The following NMT2 variants were observed in gnomAD, a reference collection of about 807,000 sequenced individuals.
NMT2 encodes the protein glycylpeptide N-tetradecanoyltransferase 2.
NMT2 carries 35 observed loss-of-function variants against 65.4 expected under a neutral mutation model. The ratio of observed to expected loss-of-function variants is 0.54; its 90% CI spans 0.41 to 0.71. The LOEUF is 0.71. Among genes scored for constraint, NMT2 ranks in the 30% least tolerant of loss-of-function variants. The probability of loss-of-function intolerance (pLI) is 0.00; values close to 1 mark genes in which losing one functional copy is unlikely to be tolerated. For synonymous variants in NMT2, 226 were observed against 231.8 expected (o/e 0.98, Z 0.23); for missense variants, 489 against 611.3 (o/e 0.80, Z 2.11).
intron 1 of NMT2, among the ~76,000 whole-genome samples, chr10:15,153,388 G>T (rs1013180864): frequency 1.3e-5 from 2 of 152,234 alleles, no homozygotes; most frequent in African/African-American, 4.8e-5. Context: ...GCCTGCAGAG[G>T]CACACATGTG....
At chr10:15,149,669 C>T (rs1199761519) in intron 1 of NMT2, among the ~76,000 whole-genome samples, 1 of 151,846 alleles carries the variant, frequency 6.6e-6, no homozygotes, top group Non-Finnish European at 1.5e-5. Flanking sequence ...CTGTACCAAG[C>T]ACCCTACAGA....
At chr10:15,132,175 G>C (rs1196327766) in intron 6 of NMT2, among the ~76,000 whole-genome samples, 1 of 152,000 alleles carries the variant, frequency 6.6e-6, no homozygotes, top group African/African-American at 2.4e-5. Context: ...CCAAGGCTTC[G>C]TTTTTTCTGA....
In NMT2 at chr10:15,108,285, C is replaced by G; in HGVS notation, c.*910G>C. On this transcript the variant is annotated 3_prime_UTR_variant, in exon 12 of 12. Coordinates refer to ENST00000378165, the MANE Select transcript of NMT2 (RefSeq NM_004808.3). Reference sequence around the variant, plus strand: ...TCACTGCAACCTCACCTCTCAGGTTCAAGCGATTCTCCTGCCTCAGCCTCC... The same window carrying G: ...TCACTGCAACCTCACCTCTCAGGTTGAAGCGATTCTCCTGCCTCAGCCTCC... 1 of 711,664 alleles carries G rather than the reference C, an allele frequency of 1.4e-6. No homozygotes were observed. Among genetic ancestry groups the G allele is most frequent in the Non-Finnish European group, 1.7e-6 (1 of 580,782 alleles). The allele number at this position is 711,664 out of a possible 1,614,324, so 44.1% of individuals were successfully genotyped here.
At chr10:15,143,596 C>T (rs1005137028) in intron 1 of NMT2, among the ~76,000 whole-genome samples, 1 of 152,226 alleles carries the variant, frequency 6.6e-6, no homozygotes, top group Non-Finnish European at 1.5e-5. Flanking sequence ...GTGGCTCACG[C>T]CTATAATCCC....
intron 6 of NMT2, 44 bp from the exon 7 acceptor site, chr10:15,130,356 C>G (rs761933160): frequency 1.5e-5 from 21 of 1,375,758 alleles, no homozygotes; most frequent in Middle Eastern, 4.9e-4. Flanking sequence ...AAACGAGATT[C>G]AAAATGAAGA....
At chr10:15,141,354 G>A (rs980519150) in intron 2 of NMT2, 68 bp downstream of exon 2, 43 of 1,582,548 alleles carry the variant, frequency 2.7e-5, no homozygotes, top group Middle Eastern at 3.4e-4. Context: ...GCAGCAGCGC[G>A]CTAAACTGCG....
intron 10 of NMT2, among the ~76,000 whole-genome samples, chr10:15,112,172 C>CGCTATATATA (rs1845540530): frequency 2.0e-5 from 1 of 49,994 alleles, no homozygotes; most frequent in Non-Finnish European, 3.5e-5. Flanking sequence ...AAGATATGGG[C>CGCTATATATA]TTTATATATA....
At chr10:15,168,416 A>T in intron 1 of NMT2, 87 bp downstream of exon 1, 1 of 938,854 alleles carries the variant, frequency 1.1e-6, no homozygotes, top group Non-Finnish European at 1.6e-6. Context: ...AAGAACCCCC[A>T]GTCCTGGGAG....
At chr10:15,138,004 C>CTTTTT (rs374744946) in intron 2 of NMT2, among the ~76,000 whole-genome samples, 10 of 128,136 alleles carry the variant, frequency 7.8e-5, no homozygotes, top group Non-Finnish European at 1.3e-4. Context: ...TCTTCTTCTT[C>CTTTTT]TTTTTTTTTT....
At chr10:15,124,921 A>G (rs935111475) in intron 8 of NMT2, among the ~76,000 whole-genome samples, 2 of 152,192 alleles carry the variant, frequency 1.3e-5, no homozygotes, top group Admixed American at 1.3e-4. Context: ...TTGCATCTTG[A>G]CAATCGTCCT....
At chr10:15,146,293 A>T (rs1447778561) in intron 1 of NMT2, among the ~76,000 whole-genome samples, 1 of 152,240 alleles carries the variant, frequency 6.6e-6, no homozygotes, top group East Asian at 1.9e-4. Flanking sequence ...CACATCCAGC[A>T]AATCTCTTCA....
intron 1 of NMT2, among the ~76,000 whole-genome samples, chr10:15,156,198 G>A (rs1342239033): frequency 6.6e-6 from 1 of 152,104 alleles, no homozygotes; most frequent in Non-Finnish European, 1.5e-5. Context: ...GGACCTGGAG[G>A]GAAGTAACTG....
intron 1 of NMT2, among the ~76,000 whole-genome samples, chr10:15,153,077 G>A (rs1171533976): frequency 6.6e-6 from 1 of 151,926 alleles, no homozygotes; most frequent in East Asian, 1.9e-4. Context: ...AAGAGAAACA[G>A]CTCTCTCTAT....
chr10:15,107,592 C>T lies in NMT2; in HGVS notation c.*1603G>A, dbSNP rs746638615. On this transcript the variant is annotated 3_prime_UTR_variant, in exon 12 of 12. Coordinates refer to ENST00000378165, the MANE Select transcript of NMT2 (RefSeq NM_004808.3). ...CTCAGCCTCCTAGCAGCTGGGATTA[C>T]AGGCACCCGCCACCACACCCAGCTA... 25 of 442,874 alleles carry T rather than the reference C, an allele frequency of 5.6e-5. No homozygotes were observed. Among genetic ancestry groups the T allele is most frequent in the Middle Eastern group, 1.1e-3 (1 of 884 alleles). 27.4% of individuals were successfully genotyped at this position (442,874 alleles called of 1,614,324 possible).
At chr10:15,158,405 C>T (rs556677484) in intron 1 of NMT2, among the ~76,000 whole-genome samples, 1 of 151,564 alleles carries the variant, frequency 6.6e-6, no homozygotes, top group African/African-American at 2.4e-5. Flanking sequence ...ATATAGCAGA[C>T]CAAAACTAAA....
chr10:15,149,915 G>T (rs1287821646), intron 1 of NMT2, among the ~76,000 whole-genome samples: 1 of 152,156 alleles, frequency 6.6e-6, no homozygotes, highest in African/African-American at 2.4e-5. Flanking sequence ...CATCTTTTCA[G>T]ATAATTACCA....
chr10:15,147,095 C>CAAAAAAAAAAAAAAAAAAAAAAAAAAA (rs34668178), intron 1 of NMT2, among the ~76,000 whole-genome samples: 2 of 44,488 alleles, frequency 4.5e-5, no homozygotes, highest in African/African-American at 1.1e-4. Context: ...CTCTCGCTCT[C>CAAAAAAAAAAAAAAAAAAAAAAAAAAA]AAAAAAAAAA....
intron 1 of NMT2, among the ~76,000 whole-genome samples, chr10:15,145,716 T>C (rs1564582233): frequency 6.6e-6 from 1 of 152,120 alleles, no homozygotes; most frequent in African/African-American, 2.4e-5. Flanking sequence ...TGGTATGGTA[T>C]GTGAATTATA....
intron 10 of NMT2, among the ~76,000 whole-genome samples, chr10:15,111,509 C>CAAAAAAAAAAAAAAAAAAAAAAAAATA (rs58537120): frequency 1.9e-5 from 1 of 52,804 alleles, no homozygotes; most frequent in Non-Finnish European, 4.0e-5. Flanking sequence ...AGACTCATCT[C>CAAAAAAAAAAAAAAAAAAAAAAAAATA]AAAAAAAAAA....
Sources: allele counts gnomAD v4.1 joint callset (sites outside exome capture counted in the v4.1 genomes callset), GRCh38; gene constraint gnomAD v4.1.1; transcripts MANE v1.5; gene names NCBI Gene and HGNC (gene_info 2026-07-23, HGNC 2026-07-21).